Variants in MYRIP observed in about 807,000 individuals in gnomAD.
MYRIP encodes the protein myosin VIIA and Rab interacting protein.
A neutral mutation model predicts 98.0 loss-of-function variants in MYRIP; 49 were observed. The observed-to-expected ratio is 0.50, with a 90% CI of 0.40 to 0.63. The LOEUF (loss-of-function observed/expected upper bound fraction) is 0.63, where lower values mean the gene tolerates loss of function less well. Ranked by LOEUF, MYRIP falls within the 30% of genes least tolerant of loss-of-function variation. MYRIP has a pLI of 0.00. For synonymous variants in MYRIP, 404 were observed against 409.5 expected (o/e 0.99, Z 0.16); for missense variants, 1,004 against 1,058.2 (o/e 0.95, Z 0.71).
intron 4 of MYRIP, among the ~76,000 whole-genome samples, chr3:40,155,423 G>C (rs1202088442): frequency 6.6e-6 from 1 of 151,748 alleles, no homozygotes; most frequent in African/African-American, 2.4e-5. Context: ...CCAAGTCTTT[G>C]CTATTGTGAA....
intron 1 of MYRIP, among the ~76,000 whole-genome samples, chr3:39,830,460 A>G (rs998061678): frequency 2.0e-5 from 3 of 152,048 alleles, no homozygotes; most frequent in African/African-American, 4.8e-5. Context: ...TCAAATATCT[A>G]TACCTCGTCA....
At chr3:40,206,684 C>G (rs555670153) in intron 10 of MYRIP, among the ~76,000 whole-genome samples, 1 of 152,238 alleles carries the variant, frequency 6.6e-6, no homozygotes, top group South Asian at 2.1e-4. Context: ...TCCACCACAC[C>G]GTCAACTCCA....
intron 2 of MYRIP, among the ~76,000 whole-genome samples, chr3:40,040,990 AAAAG>A (rs1268227563): frequency 3.4e-5 from 2 of 58,524 alleles, no homozygotes; most frequent in African/African-American, 5.9e-5. Flanking sequence ...ATAAAAAAAA[AAAAG>A]AAAAAAAAAA....
chr3:39,927,122 A>G lies in MYRIP; in HGVS notation c.110+26196A>G, dbSNP rs572329249. 1.2e-3 allele frequency among the ~76,000 whole-genome samples: 177 copies of G among 152,084 alleles called. 1 individual carries two copies. The highest frequency in any genetic ancestry group is 4.0e-3 in the African/African-American group (165 of 41,542). On this transcript the variant is annotated intron_variant, in intron 2 of 16. Coordinates refer to ENST00000302541, the MANE Select transcript of MYRIP (RefSeq NM_015460.4). ...GGATTGCTTTCTTGATTTGGATCCC[A>G]GCTTTAACATTATTGGTGCACAGAA...
intron 3 of MYRIP, among the ~76,000 whole-genome samples, chr3:40,136,469 C>G (rs550206466): frequency 6.6e-6 from 1 of 152,258 alleles, no homozygotes; most frequent in South Asian, 2.1e-4. Flanking sequence ...ACATTAGACA[C>G]ATCAGTGAGA....
chr3:40,078,712 C>T (rs1249157512), intron 3 of MYRIP, among the ~76,000 whole-genome samples: 1 of 152,198 alleles, frequency 6.6e-6, no homozygotes, highest in African/African-American at 2.4e-5. Flanking sequence ...TTCCTCACCC[C>T]CAAGCCTCCC....
rs565267142 is a variant in MYRIP, at chr3:40,210,186, C to T, written c.1905+93C>T. On this transcript the variant is annotated intron_variant, in intron 11 of 16. Coordinates refer to ENST00000302541, the MANE Select transcript of MYRIP (RefSeq NM_015460.4). Reference sequence around the variant, plus strand: ...TATTGGTGCAGAAAGCTGCTGGGTCCCCAAAGAGCTCTCTCTAAAATGCCC... The same window carrying T: ...TATTGGTGCAGAAAGCTGCTGGGTCTCCAAAGAGCTCTCTCTAAAATGCCC... The T allele has an allele frequency of 1.2e-3, 1,676 of 1,448,280 alleles. 11 individuals are homozygous for T. Among genetic ancestry groups the T allele is most frequent in the South Asian group, 0.011 (749 of 69,638 alleles). The allele number at this position is 1,448,280 out of a possible 1,614,324, so 89.7% of individuals were successfully genotyped here.
At chr3:39,862,052 A>G (rs973078059) in intron 1 of MYRIP, among the ~76,000 whole-genome samples, 2 of 152,204 alleles carry the variant, frequency 1.3e-5, no homozygotes, top group African/African-American at 4.8e-5. Context: ...AGATTCTCCA[A>G]GGTTGGAATG....
At chr3:40,067,489 C>T (rs899889236) in intron 3 of MYRIP, among the ~76,000 whole-genome samples, 2 of 152,140 alleles carry the variant, frequency 1.3e-5, no homozygotes, top group Non-Finnish European at 2.9e-5. Context: ...GTGGGCCAGT[C>T]GCAGGCCAAG....
chr3:39,958,008 C>G (rs1012559216), intron 2 of MYRIP, among the ~76,000 whole-genome samples: 1 of 152,116 alleles, frequency 6.6e-6, no homozygotes. Flanking sequence ...AACTACAAAC[C>G]AGTGCTCCAC....
intron 2 of MYRIP, among the ~76,000 whole-genome samples, chr3:39,999,359 G>A (rs1241006950): frequency 1.3e-5 from 2 of 152,188 alleles, no homozygotes; most frequent in Non-Finnish European, 2.9e-5. Flanking sequence ...CAACAAGTGG[G>A]TGAAGGATAT....
Position 40,258,239 on chromosome 3 carries a change from C to A in MYRIP, c.*73C>A. 1.9e-6 allele frequency: 3 copies of A among 1,558,698 alleles called. No homozygotes were observed. Among genetic ancestry groups the A allele is most frequent in the Non-Finnish European group, 1.8e-6 (2 of 1,129,978 alleles). ...GACAGTGCCTTGACCCAACAGCCAT[C>A]GAGTACTGTATGTATTTCCACCTGA... On this transcript the variant is annotated 3_prime_UTR_variant, in exon 17 of 17. Transcript: ENST00000302541.
At chr3:39,849,964 G>T (rs764502234) in intron 1 of MYRIP, among the ~76,000 whole-genome samples, 6 of 152,190 alleles carry the variant, frequency 3.9e-5, no homozygotes, top group Non-Finnish European at 7.3e-5. Context: ...ATAACTTAGA[G>T]ATTATCAGGA....
intron 3 of MYRIP, among the ~76,000 whole-genome samples, chr3:40,097,729 C>A (rs142851141): frequency 6.6e-6 from 1 of 152,174 alleles, no homozygotes; most frequent in Non-Finnish European, 1.5e-5. Flanking sequence ...TACCAGAGCT[C>A]AGAGCCTCCT....
intron 3 of MYRIP, among the ~76,000 whole-genome samples, chr3:40,124,312 C>T (rs942954288): frequency 2.2e-4 from 33 of 152,298 alleles, no homozygotes; most frequent in African/African-American, 7.2e-4. Flanking sequence ...TCACTTGGGC[C>T]GGGATCCTCC....
intron 1 of MYRIP, among the ~76,000 whole-genome samples, chr3:39,835,641 C>T (rs767627477): frequency 6.6e-6 from 1 of 152,156 alleles, no homozygotes; most frequent in African/African-American, 2.4e-5. Flanking sequence ...ATGTGCAGAA[C>T]GTGCAGGTTT....
chr3:39,888,001 A>G (rs1487219721), intron 1 of MYRIP, among the ~76,000 whole-genome samples: 1 of 151,014 alleles, frequency 6.6e-6, no homozygotes, highest in East Asian at 2.0e-4. Flanking sequence ...AAGGAGAACT[A>G]CAAACCACTG....
At position 39,969,048 on chromosome 3, in the gene MYRIP, G is replaced by T. The variant is rs539919881; in HGVS notation, c.110+68122G>T. Among the ~76,000 whole-genome samples, 20 of 152,116 alleles carry T rather than the reference G, an allele frequency of 1.3e-4. 1 individual carries two copies. In the South Asian group the frequency reaches 4.2e-3, roughly 32 times the overall value. Reference sequence around the variant, plus strand: ...ATTGTAGAGATCTTTCACCTCCCTGGTTAGCTATGTTCCTAGGTATTTTAT... The same window carrying T: ...ATTGTAGAGATCTTTCACCTCCCTGTTTAGCTATGTTCCTAGGTATTTTAT... On this transcript the variant is annotated intron_variant, in intron 2 of 16. Coordinates refer to ENST00000302541, the MANE Select transcript of MYRIP (RefSeq NM_015460.4).
chr3:39,818,760 G>A (rs1182148749), intron 1 of MYRIP, among the ~76,000 whole-genome samples: 1 of 151,836 alleles, frequency 6.6e-6, no homozygotes, highest in African/African-American at 2.4e-5. Flanking sequence ...GAAATTGCAG[G>A]GTCTTATTTT....
Sources: allele counts gnomAD v4.1 joint callset (sites outside exome capture counted in the v4.1 genomes callset), GRCh38; gene constraint gnomAD v4.1.1; transcripts MANE v1.5; gene names NCBI Gene and HGNC (gene_info 2026-07-23, HGNC 2026-07-21).